NOL4L: variants seen among roughly 807,000 people sequenced by gnomAD.
The protein encoded by NOL4L is nucleolar protein 4-like.
A neutral mutation model predicts 64.5 loss-of-function variants in NOL4L; 7 were observed. The ratio of observed to expected loss-of-function variants is 0.11; its 90% CI spans 0.06 to 0.20. The LOEUF is 0.20. NOL4L is among the 10% of genes least tolerant of loss of function. NOL4L has a pLI of 1.00. For synonymous variants in NOL4L, 413 were observed against 401.0 expected, an observed-to-expected ratio of 1.03 and a Z score of -0.36; for missense variants, 680 against 967.1, an observed-to-expected ratio of 0.70 and a Z score of 3.94.
intron 4 of NOL4L, among the ~76,000 whole-genome samples, chr20:32,491,984 A>G (rs1222292273): frequency 6.6e-6 from 1 of 152,034 alleles, no homozygotes; most frequent in Non-Finnish European, 1.5e-5. Flanking sequence ...GATGGCATGC[A>G]CCCGTAGTCC....
intron 4 of NOL4L, among the ~76,000 whole-genome samples, chr20:32,488,549 A>G (rs2016194019): frequency 6.6e-6 from 1 of 152,228 alleles, no homozygotes; most frequent in African/African-American, 2.4e-5. Context: ...AGCAATATCT[A>G]GCAGCACTCA....
intron 1 of NOL4L, among the ~76,000 whole-genome samples, chr20:32,574,725 C>T (rs900553144): frequency 6.6e-6 from 1 of 152,110 alleles, no homozygotes; most frequent in African/African-American, 2.4e-5. Flanking sequence ...GAGGGGAGGG[C>T]TCCAAGCTGG....
At chr20:32,466,984 G>A (rs2014609073) in intron 5 of NOL4L, among the ~76,000 whole-genome samples, 1 of 152,124 alleles carries the variant, frequency 6.6e-6, no homozygotes, top group Non-Finnish European at 1.5e-5. Context: ...GGGAGGGTGG[G>A]CATCACCTGA....
intron 5 of NOL4L, among the ~76,000 whole-genome samples, chr20:32,465,943 G>A (rs1023666918): frequency 9.2e-5 from 14 of 151,784 alleles, no homozygotes; most frequent in African/African-American, 2.7e-4. Flanking sequence ...TGATCCCCAC[G>A]TGGCCCCACT....
At chr20:32,532,438 G>A in intron 1 of NOL4L, 14 of 914,250 alleles carry the variant, frequency 1.5e-5, no homozygotes, top group Non-Finnish European at 1.8e-5. Flanking sequence ...GCAACAAAGG[G>A]ATCCGACAGT....
intron 10 of NOL4L, among the ~76,000 whole-genome samples, chr20:32,449,263 C>T (rs2012626364): frequency 6.6e-6 from 1 of 152,214 alleles, no homozygotes; most frequent in Non-Finnish European, 1.5e-5. Context: ...GCTTTATCTT[C>T]CACGGGGGTG....
intron 4 of NOL4L, among the ~76,000 whole-genome samples, chr20:32,484,755 C>T (rs1339357497): frequency 1.3e-5 from 2 of 152,256 alleles, no homozygotes; most frequent in East Asian, 3.9e-4. Context: ...AGGGGAGCCA[C>T]GCGGATTCCA....
Position 32,563,110 on chromosome 20 carries a change from C to G in NOL4L, c.321+21460G>C, listed in dbSNP as rs1395313946. The stretch of plus-strand genomic sequence containing the variant: ...AAGGAGGGTGGAGGGAGGGTGGAGG[C>G]AGGGAGAGTGGAGGGCAGGGAGGCT... On this transcript the variant is annotated intron_variant, in intron 1 of 10. Coordinates refer to ENST00000621426, the MANE Select transcript of NOL4L (RefSeq NM_001256798.2). Among the ~76,000 whole-genome samples the G allele has an allele frequency of 7.8e-3, 8 of 1,030 alleles. 1 individual carries two copies. Among genetic ancestry groups the G allele is most frequent in the African/African-American group, 0.025 (4 of 160 alleles). The allele number at this position is 1,030 out of a possible 152,430, so 0.7% of individuals were successfully genotyped here.
intron 5 of NOL4L, chr20:32,465,029 A>G (rs943180548): frequency 3.1e-6 from 2 of 635,124 alleles, no homozygotes; most frequent in South Asian, 1.8e-5. Context: ...TTCTCTCTGC[A>G]GAGACCCTGG....
At chr20:32,520,271 G>A (rs2145572638) in intron 3 of NOL4L, 1 of 144,854 alleles carries the variant, frequency 6.9e-6, no homozygotes, top group South Asian at 2.2e-4. Context: ...GGGCGACAGA[G>A]CGAGACTTTG....
intron 1 of NOL4L, among the ~76,000 whole-genome samples, chr20:32,529,286 A>G (rs2018256033): frequency 6.6e-6 from 1 of 152,184 alleles, no homozygotes; most frequent in Non-Finnish European, 1.5e-5. Context: ...AGCACTTGGC[A>G]CTGAGCCTGG....
Position 32,488,965 on chromosome 20 carries a change from C to CTTTTTT in NOL4L, c.700-14229_700-14224dup, listed in dbSNP as rs1174304651. ...CCATTTCTCTATTTGAATTGTTGGT[C>CTTTTTT]TTTTTTTTTTTTTTTTTTTGGTAAG... On this transcript the variant is annotated intron_variant, in intron 4 of 10. Transcript: ENST00000621426. 4.5e-3 allele frequency among the ~76,000 whole-genome samples: 201 copies of CTTTTTT among 45,068 alleles called. 18 individuals carry two copies. Among genetic ancestry groups the CTTTTTT allele is most frequent in the African/African-American group, 0.013 (98 of 7,570 alleles). 29.6% of individuals were successfully genotyped at this position (45,068 alleles called of 152,430 possible).
rs1322620864 is a variant in NOL4L at position 32,577,679 on chromosome 20, C to CA, written c.321+6890dup. On this transcript the variant is annotated intron_variant, in intron 1 of 10. Transcript: ENST00000621426. ...TGGGCAACAAAGCGATAATCTGTCTCAAAAAAAAGAAAAGAAAAAGCCTTC... is the reference window on the plus strand; with the variant it reads ...TGGGCAACAAAGCGATAATCTGTCTCAAAAAAAAAGAAAAGAAAAAGCCTTC... Among the ~76,000 whole-genome samples, 8 of 151,618 alleles carry CA rather than the reference C, an allele frequency of 5.3e-5. No individual in the cohort carries two copies. The East Asian group carries it at 7.7e-4, about 15-fold the overall frequency.
At chr20:32,537,871 TG>T (rs2145593483) in intron 1 of NOL4L, among the ~76,000 whole-genome samples, 1 of 151,760 alleles carries the variant, frequency 6.6e-6, no homozygotes, top group East Asian at 1.9e-4. Context: ...CTCCGGCTCC[TG>T]GGTTCAAGCG....
chr20:32,538,480 TC>T (rs2018593833), intron 1 of NOL4L, among the ~76,000 whole-genome samples: 1 of 79,968 alleles, frequency 1.3e-5, no homozygotes, highest in African/African-American at 4.2e-5. Flanking sequence ...CCTCCCTCCC[TC>T]CCTCCCTCCC....
chr20:32,499,700 C>T (rs570486995), intron 4 of NOL4L, among the ~76,000 whole-genome samples: 9 of 134,860 alleles, frequency 6.7e-5, no homozygotes, highest in Admixed American at 5.8e-4. Flanking sequence ...GATTTTGCGA[C>T]TGCACTCTAG....
At chr20:32,509,379 G>A (rs1337175018) in intron 4 of NOL4L, among the ~76,000 whole-genome samples, 2 of 151,936 alleles carry the variant, frequency 1.3e-5, no homozygotes, top group African/African-American at 4.8e-5. Flanking sequence ...ATTAGCAGGT[G>A]TGGTGGCAGG....
chr20:32,537,723 A>G (rs2145593257), intron 1 of NOL4L, among the ~76,000 whole-genome samples: 1 of 151,562 alleles, frequency 6.6e-6, no homozygotes, highest in East Asian at 1.9e-4. Context: ...TCTCCTAGCC[A>G]TACCTGAGAA....
chr20:32,543,152 A>G (rs1019431990), intron 1 of NOL4L, among the ~76,000 whole-genome samples: 32 of 152,126 alleles, frequency 2.1e-4, no homozygotes, highest in African/African-American at 7.5e-4. Context: ...ATAGGAGAGA[A>G]TGATCCAGAG....
Sources: allele counts gnomAD v4.1 joint callset (sites outside exome capture counted in the v4.1 genomes callset), GRCh38; gene constraint gnomAD v4.1.1; transcripts MANE v1.5; gene names NCBI Gene and HGNC (gene_info 2026-07-23, HGNC 2026-07-21).